The following CNOT2 variants were observed in gnomAD, a reference collection of about 807,000 sequenced individuals.
The protein encoded by CNOT2 is CCR4-NOT transcription complex subunit 2, also known as CC chemokine receptor 4-negative regulator of transcription 2.
In CNOT2, 7 loss-of-function variants were observed where a neutral mutation model predicts 72.1. That is an observed-to-expected ratio of 0.10 (90% CI 0.06 to 0.18). The LOEUF is 0.18. Among genes scored for constraint, CNOT2 ranks in the 10% least tolerant of loss-of-function variants. The probability of loss-of-function intolerance (pLI) is 1.00; values close to 1 mark genes in which losing one functional copy is unlikely to be tolerated. For missense variants in CNOT2, 345 were observed against 660.3 expected (o/e 0.52, Z 5.23); for synonymous variants, 196 against 225.6 (o/e 0.87, Z 1.17).
chr12:70,247,698 G>C (rs1957946698), intron 1 of CNOT2, among the ~76,000 whole-genome samples: 2 of 152,120 alleles, frequency 1.3e-5, no homozygotes. Context: ...ATCTGGACTG[G>C]GAGCACCTGA....
chr12:70,255,729 AACTCTAGAAATTGGAGT>A (rs1182478254), intron 1 of CNOT2, among the ~76,000 whole-genome samples: 1 of 152,190 alleles, frequency 6.6e-6, no homozygotes, highest in African/African-American at 2.4e-5. Flanking sequence ...CATATACTGA[AACTCTAGAAATTGGAGT>A]ACAGCTACCC....
chr12:70,287,276 T>C (rs1871073403), intron 2 of CNOT2, among the ~76,000 whole-genome samples: 1 of 149,630 alleles, frequency 6.7e-6, no homozygotes, highest in Admixed American at 6.8e-5. Context: ...TTTCCCCTTA[T>C]TTGGTCAGAC....
At chr12:70,288,541 C>G (rs919922872) in intron 2 of CNOT2, among the ~76,000 whole-genome samples, 1 of 152,176 alleles carries the variant, frequency 6.6e-6, no homozygotes. Flanking sequence ...CTCTGGAATT[C>G]TAGCTTTTAC....
chr12:70,255,224 G>A (rs780748287), intron 1 of CNOT2, among the ~76,000 whole-genome samples: 12 of 152,124 alleles, frequency 7.9e-5, no homozygotes, highest in Non-Finnish European at 1.8e-4. Flanking sequence ...ATAATCTTTG[G>A]GGTATTCCCA....
At chr12:70,347,391 G>A (rs1040611195) in intron 15 of CNOT2, among the ~76,000 whole-genome samples, 1 of 152,060 alleles carries the variant, frequency 6.6e-6, no homozygotes, top group African/African-American at 2.4e-5. Context: ...CCAGCACTTT[G>A]GGAGGCTGAG....
chr12:70,305,873 G>GTTTTTTTTTTTTTTTTTTTTTTTGT (rs11412509), intron 2 of CNOT2, among the ~76,000 whole-genome samples: 1 of 60,072 alleles, frequency 1.7e-5, no homozygotes, highest in Non-Finnish European at 3.0e-5. Flanking sequence ...TCTGAAGTTT[G>GTTTTTTTTTTTTTTTTTTTTTTTGT]TTTTTTTTTT....
At chr12:70,344,528 C>A (rs1443403272) in intron 14 of CNOT2, 1 of 258,530 alleles carries the variant, frequency 3.9e-6, no homozygotes, top group East Asian at 8.3e-5. Context: ...TTAGGGACAG[C>A]CTGGGCAACA....
intron 11 of CNOT2, among the ~76,000 whole-genome samples, chr12:70,341,255 A>G (rs745971792): frequency 6.6e-6 from 1 of 151,960 alleles, no homozygotes; most frequent in Non-Finnish European, 1.5e-5. Context: ...CCCCACCTCA[A>G]CAGCTTTTCC....
intron 1 of CNOT2, among the ~76,000 whole-genome samples, chr12:70,265,537 T>G (rs1959000254): frequency 6.6e-6 from 1 of 152,062 alleles, no homozygotes; most frequent in Admixed American, 6.5e-5. Context: ...GACTTTTTTC[T>G]TTGTCAGTCT....
At chr12:70,316,508 A>AT (rs1357618969) in intron 3 of CNOT2, among the ~76,000 whole-genome samples, 3 of 152,148 alleles carry the variant, frequency 2.0e-5, no homozygotes, top group African/African-American at 7.2e-5. Flanking sequence ...AAGAAATTAG[A>AT]TATTTGCATT....
At chr12:70,330,999 T>C (rs1879853840) in intron 6 of CNOT2, 1 of 152,098 alleles carries the variant, frequency 6.6e-6, no homozygotes, top group African/African-American at 2.4e-5. Flanking sequence ...TCACTTCTCT[T>C]TGTACTGTCT....
intron 2 of CNOT2, among the ~76,000 whole-genome samples, chr12:70,292,776 A>C (rs547742684): frequency 6.6e-6 from 1 of 152,240 alleles, no homozygotes; most frequent in South Asian, 2.1e-4. Context: ...AAAGTGTATA[A>C]GTATAAAATG....
chr12:70,290,398 T>A lies in CNOT2; in HGVS notation c.48+12124T>A, dbSNP rs1871682854. On this transcript the variant is annotated intron_variant, in intron 2 of 15. Coordinates refer to ENST00000229195, the MANE Select transcript of CNOT2 (RefSeq NM_014515.7). ...CTGGCTGCCTTTAATTGCCCTCTTCTCCACTTCCTCAATTCACAAAGATTG... is the reference window on the plus strand; with the variant it reads ...CTGGCTGCCTTTAATTGCCCTCTTCACCACTTCCTCAATTCACAAAGATTG... Among the ~76,000 whole-genome samples, 4 of 152,240 alleles carry A rather than the reference T, an allele frequency of 2.6e-5. No individual in the cohort carries two copies. The South Asian group carries it at 8.3e-4, about 32-fold the overall frequency.
In CNOT2 at chr12:70,252,845, T is replaced by G. The variant is rs184287962; in HGVS notation, c.-96+9365T>G. Among the ~76,000 whole-genome samples, 331 of 152,232 alleles carry G rather than the reference T, an allele frequency of 2.2e-3. 2 individuals carry two copies. The highest frequency in any genetic ancestry group is 7.8e-3 in the African/African-American group (325 of 41,534). On this transcript the variant is annotated intron_variant, in intron 1 of 15. Transcript: ENST00000229195. ...AGTAGAACTGATGTAAGGATTAAAG[T>G]TTTTTGTGGGTTTTTTGTTCGTGTT...
At chr12:70,335,644 A>C in intron 8 of CNOT2, 81 bp downstream of exon 8, 1 of 1,054,748 alleles carries the variant, frequency 9.5e-7, no homozygotes, top group East Asian at 2.4e-5. Flanking sequence ...GTACGTATAC[A>C]TATGCTTGTG....
intron 5 of CNOT2, 106 bp downstream of exon 5, chr12:70,329,676 G>GAAAGGCACTGAA: frequency 1.3e-6 from 1 of 773,790 alleles, no homozygotes; most frequent in Non-Finnish European, 2.2e-6. Flanking sequence ...CTGGTTCAGT[G>GAAAGGCACTGAA]CCTTTCACTG....
At chr12:70,291,538 CTT>C (rs1380832972) in intron 2 of CNOT2, among the ~76,000 whole-genome samples, 1 of 152,210 alleles carries the variant, frequency 6.6e-6, no homozygotes, top group African/African-American at 2.4e-5. Context: ...TATGTAAAGT[CTT>C]TGACACCGTG....
chr12:70,311,779 T>G (rs914953890), intron 3 of CNOT2, among the ~76,000 whole-genome samples: 3 of 152,026 alleles, frequency 2.0e-5, no homozygotes, highest in African/African-American at 7.2e-5. Context: ...TTTCACACTT[T>G]ATAAACTTGC....
intron 2 of CNOT2, among the ~76,000 whole-genome samples, chr12:70,304,593 G>A (rs1456123546): frequency 6.6e-6 from 1 of 152,124 alleles, no homozygotes; most frequent in Non-Finnish European, 1.5e-5. Context: ...GGCCGTGTGG[G>A]GTGTCAGTCC....
Sources: allele counts gnomAD v4.1 joint callset (sites outside exome capture counted in the v4.1 genomes callset), GRCh38; gene constraint gnomAD v4.1.1; transcripts MANE v1.5; gene names NCBI Gene and HGNC (gene_info 2026-07-23, HGNC 2026-07-21).